ADCY9: variants seen among roughly 807,000 people sequenced by gnomAD.
ADCY9 encodes the protein adenylate cyclase 9.
In ADCY9, 50 loss-of-function variants were observed where a neutral mutation model predicts 101.5. The observed-to-expected ratio is 0.49, with a 90% CI of 0.39 to 0.62. The LOEUF (loss-of-function observed/expected upper bound fraction) is 0.62. ADCY9 is among the 20% of genes least tolerant of loss of function. The pLI, the probability that ADCY9 is intolerant of heterozygous loss-of-function variation, is 0.00. For missense variants in ADCY9, 1,662 were observed against 1,800.4 expected (o/e 0.92, Z 1.39); for synonymous variants, 905 against 769.3 (o/e 1.18, Z -2.92).
At chr16:4,113,018 G>A (rs900345565) in intron 2 of ADCY9, among the ~76,000 whole-genome samples, 10 of 151,928 alleles carry the variant, frequency 6.6e-5, no homozygotes, top group African/African-American at 2.4e-4. Context: ...ATGAGGGAGG[G>A]GAATACCAGC....
chr16:3,955,324 G>A (rs551827204), intron 5 of ADCY9, among the ~76,000 whole-genome samples: 326 of 151,780 alleles, frequency 2.1e-3, no homozygotes, highest in Non-Finnish European at 4.1e-3. Context: ...CAGGAGTTTA[G>A]GACTAGCCTG....
intron 2 of ADCY9, among the ~76,000 whole-genome samples, chr16:4,095,530 A>T (rs2056998194): frequency 6.6e-6 from 1 of 152,194 alleles, no homozygotes; most frequent in African/African-American, 2.4e-5. Flanking sequence ...ACTTGCCAAC[A>T]CAGTGAAATT....
intron 2 of ADCY9, among the ~76,000 whole-genome samples, chr16:4,017,924 G>T (rs2056448939): frequency 6.6e-6 from 1 of 152,228 alleles, no homozygotes; most frequent in African/African-American, 2.4e-5. Context: ...CCTGCAGCAG[G>T]TGTAGCCCGC....
Position 3,965,531 on chromosome 16 carries a change from TCTC to T in ADCY9, c.*241_*243del, listed in dbSNP as rs2055982051. On this transcript the variant is annotated 3_prime_UTR_variant, in exon 11 of 11. Transcript: ENST00000294016. ...CGAGGCCAGCCCTGAAGGCACTTGT[TCTC>T]CACCACGTGCTGAACGGATGACCCA... 1 of 554,602 alleles carries T rather than the reference TCTC, an allele frequency of 1.8e-6. No individual in the cohort carries two copies. The highest frequency in any genetic ancestry group is 3.2e-6 in the Non-Finnish European group (1 of 314,360). The allele number at this position is 554,602 out of a possible 1,614,324, so 34.4% of individuals were successfully genotyped here. A position where few individuals can be genotyped will look rare whatever the true frequency, so the allele number is the denominator to read the frequency against.
chr16:3,961,923 G>A (rs1169164398), downstream of ADCY9, among the ~76,000 whole-genome samples: 2 of 152,138 alleles, frequency 1.3e-5, no homozygotes, highest in African/African-American at 2.4e-5. Context: ...CTGCTAGGGA[G>A]GCTGAGGCAC....
chr16:4,109,401 T>G (rs1038652961), intron 2 of ADCY9, among the ~76,000 whole-genome samples: 2 of 152,232 alleles, frequency 1.3e-5, no homozygotes, highest in Non-Finnish European at 2.9e-5. Context: ...TTGTCTGTTT[T>G]GTTTACGGCT....
chr16:4,059,733 A>G (rs1034958378), intron 2 of ADCY9, among the ~76,000 whole-genome samples: 5 of 152,128 alleles, frequency 3.3e-5, no homozygotes, highest in Non-Finnish European at 7.4e-5. Context: ...CCCCGTCTCA[A>G]CGAAAAACAA....
intron 2 of ADCY9, among the ~76,000 whole-genome samples, chr16:4,029,648 G>A (rs925856297): frequency 5.9e-5 from 9 of 152,208 alleles, no homozygotes; most frequent in African/African-American, 2.2e-4. Context: ...TGGGGAGACT[G>A]AGGCAAAAGA....
intron 2 of ADCY9, among the ~76,000 whole-genome samples, chr16:4,111,587 A>C (rs2057114112): frequency 6.6e-6 from 1 of 152,122 alleles, no homozygotes; most frequent in Admixed American, 6.6e-5. Context: ...AGTTGTGTAG[A>C]CATACTCTAT....
At chr16:4,086,754 G>A (rs2056941463) in intron 2 of ADCY9, among the ~76,000 whole-genome samples, 1 of 152,028 alleles carries the variant, frequency 6.6e-6, no homozygotes. Context: ...CTGCCTCCTG[G>A]GTTCAAACGA....
chr16:4,051,533 A>C (rs1198295880), intron 2 of ADCY9, among the ~76,000 whole-genome samples: 1 of 152,062 alleles, frequency 6.6e-6, no homozygotes, highest in Non-Finnish European at 1.5e-5. Context: ...AAAAAAAAAA[A>C]AAAAAGAAGA....
At chr16:4,044,856 TG>T (rs1253941300) in intron 2 of ADCY9, among the ~76,000 whole-genome samples, 1 of 152,158 alleles carries the variant, frequency 6.6e-6, no homozygotes, top group Non-Finnish European at 1.5e-5. Flanking sequence ...CCGCCTCTTT[TG>T]CCCCCAGAAA....
chr16:4,114,504 C>T lies in ADCY9; in HGVS notation c.939G>A (p.Val313=). Residue 313 remains valine, a synonymous_variant, in exon 2 of 11, where the codon GTG becomes GTA. Transcript: ENST00000294016. The surrounding 1 kb of genome is among the most constrained non-coding windows in gnomAD (Gnocchi z 4.3). The part of the protein sequence containing the change: ...QVRSRSTFLK[V]GQSIMHGKDL... ...CCTTCCCGTGCATAATGGATTGCCC[C>T]ACCTTGAGGAAGGTGCTCCTGGACC... is the stretch of plus-strand genomic sequence containing the variant. The T allele has an allele frequency of 6.2e-7, 1 of 1,614,166 alleles. No homozygotes were observed. Among genetic ancestry groups the T allele is most frequent in the East Asian group, 2.2e-5 (1 of 44,878 alleles).
At chr16:4,096,694 A>G (rs442611) in intron 2 of ADCY9, among the ~76,000 whole-genome samples, 41,523 of 152,116 alleles carry the variant, frequency 0.27, 6,085 homozygotes, top group Non-Finnish European at 0.32. Flanking sequence ...AACATGCAAT[A>G]AACACTTTCA....
chr16:4,027,160 C>T (rs1389432680), intron 2 of ADCY9, among the ~76,000 whole-genome samples: 2 of 152,196 alleles, frequency 1.3e-5, no homozygotes, highest in African/African-American at 2.4e-5. Flanking sequence ...GGTATTAAGG[C>T]TCCAGAAAAT....
At chr16:4,042,112 C>CG (rs1237668219) in intron 2 of ADCY9, among the ~76,000 whole-genome samples, 3 of 151,802 alleles carry the variant, frequency 2.0e-5, no homozygotes, top group Non-Finnish European at 4.4e-5. Context: ...TTAGCAGAGA[C>CG]GGGGGTTTCA....
At position 4,115,026 on chromosome 16, in the gene ADCY9, T is replaced by C. The variant is rs750860680; in HGVS notation, c.417A>G (p.Arg139=). 1.3e-5 allele frequency: 21 copies of C among 1,613,968 alleles called. No homozygotes were observed. The Admixed American group carries it at 2.2e-4, about 17-fold the overall frequency. ...GGGCGACCATGACGATCAGTCTGGATCTCATGTGGACCGCAAAATAGATGC... is the reference window on the plus strand; with the variant it reads ...GGGCGACCATGACGATCAGTCTGGACCTCATGTGGACCGCAAAATAGATGC... ...LWSIYFAVHM[R]SRLIVMVAPA... Residue 139 remains arginine, a synonymous_variant, in exon 2 of 11, where the codon AGA becomes AGG. Coordinates refer to ENST00000294016, the MANE Select transcript of ADCY9 (RefSeq NM_001116.4). This position sits in a 1 kb window ranked among gnomAD's most constrained non-coding sequence, Gnocchi z 6.2.
At chr16:4,027,739 T>G (rs1051922210) in intron 2 of ADCY9, among the ~76,000 whole-genome samples, 2 of 151,950 alleles carry the variant, frequency 1.3e-5, no homozygotes, top group Admixed American at 6.6e-5. Flanking sequence ...TAGCTGGGTG[T>G]GGTGGTCCAT....
intron 2 of ADCY9, among the ~76,000 whole-genome samples, chr16:4,018,951 T>TTGTGTGTATGTGTGTG (rs1555509532): frequency 7.2e-6 from 1 of 138,834 alleles, no homozygotes; most frequent in Non-Finnish European, 1.6e-5. Context: ...AGAATCGCAG[T>TTGTGTGTATGTGTGTG]TGTGTGTGTG....
Sources: allele counts gnomAD v4.1 joint callset (sites outside exome capture counted in the v4.1 genomes callset), GRCh38; gene constraint gnomAD v4.1.1; non-coding constraint Gnocchi (gnomAD v3.1); transcripts MANE v1.5; gene names NCBI Gene and HGNC (gene_info 2026-07-23, HGNC 2026-07-21).